SLC25A46: variants seen among roughly 807,000 people sequenced by gnomAD.
The protein encoded by SLC25A46 is mitochondrial outer membrane protein SLC25A46.
In SLC25A46, 39 loss-of-function variants were observed where a neutral mutation model predicts 44.6. The ratio of observed to expected loss-of-function variants is 0.87; its 90% CI spans 0.68 to 1.14. The LOEUF is 1.14. Among genes scored for constraint, SLC25A46 ranks in the 50% most tolerant of loss-of-function variants. SLC25A46 has a pLI of 0.00. For missense variants in SLC25A46, 547 were observed against 522.7 expected (o/e 1.05, Z -0.45); for synonymous variants, 202 against 185.8 (o/e 1.09, Z -0.71).
chr5:110,760,499 A>G (rs1197115696), intron 7 of SLC25A46, among the ~76,000 whole-genome samples: 1 of 152,170 alleles, frequency 6.6e-6, no homozygotes, highest in African/African-American at 2.4e-5. Context: ...TCTCTAAGGC[A>G]TGATATAGCC....
chr5:110,757,003 C>T (rs2150416316), intron 7 of SLC25A46: 1 of 320,262 alleles, frequency 3.1e-6, no homozygotes, highest in Non-Finnish European at 5.6e-6. Context: ...TTCATTTAGA[C>T]ATCTCAGAAC....
At chr5:110,748,139 T>C (rs371423823) in intron 4 of SLC25A46, 24 bp from the exon 5 acceptor site, 5 of 1,540,614 alleles carry the variant, frequency 3.2e-6, no homozygotes, top group Non-Finnish European at 3.6e-6. Flanking sequence ...TTAACAGAAA[T>C]AACATGAATT....
Position 110,739,061 on chromosome 5 carries a change from G to A in SLC25A46, c.-59G>A, listed in dbSNP as rs1041040640. 6.6e-7 allele frequency: 1 copy of A among 1,525,296 alleles called. No individual in the cohort carries two copies. Among genetic ancestry groups the A allele is most frequent in the Admixed American group, 2.1e-5 (1 of 46,582 alleles). 94.5% of individuals were successfully genotyped at this position (1,525,296 alleles called of 1,614,324 possible). A position where few individuals can be genotyped will look rare whatever the true frequency, so the allele number is the denominator to read the frequency against. Reference sequence around the variant, plus strand: ...ACGGGAAGCTGTGTGTGCTTAGGTCGTGGTGGCCCCGGTGGTGGTGGGCTC... The same window carrying A: ...ACGGGAAGCTGTGTGTGCTTAGGTCATGGTGGCCCCGGTGGTGGTGGGCTC... On this transcript the variant is annotated 5_prime_UTR_variant, in exon 1 of 8. The change creates a new upstream start codon in the 5' untranslated region. Coordinates refer to ENST00000355943, the MANE Select transcript of SLC25A46 (RefSeq NM_138773.4).
intron 7 of SLC25A46, among the ~76,000 whole-genome samples, chr5:110,759,993 C>CGTAA (rs1225707907): frequency 6.6e-6 from 1 of 152,122 alleles, no homozygotes; most frequent in Non-Finnish European, 1.5e-5. Flanking sequence ...GTTGAGACAT[C>CGTAA]GTAAGTTGGA....
intron 2 of SLC25A46, among the ~76,000 whole-genome samples, chr5:110,743,250 A>G (rs1799734986): frequency 6.6e-6 from 1 of 152,084 alleles, no homozygotes; most frequent in East Asian, 1.9e-4. Flanking sequence ...TTTAAGATTT[A>G]TACTTAAATT....
In SLC25A46 at chr5:110,762,358, G is replaced by A. The variant is rs1389012735; in HGVS notation, c.*576G>A. On this transcript the variant is annotated 3_prime_UTR_variant, in exon 8 of 8. Coordinates refer to ENST00000355943, the MANE Select transcript of SLC25A46 (RefSeq NM_138773.4). Reference sequence around the variant, plus strand: ...TAACTATCTTAATGGCTATATATATGTATTTTATAAAGCCATTTATGTATA... The same window carrying A: ...TAACTATCTTAATGGCTATATATATATATTTTATAAAGCCATTTATGTATA... The A allele has an allele frequency of 1.3e-5, 2 of 151,884 alleles. No homozygotes were observed. The highest frequency in any genetic ancestry group is 1.9e-4 in the East Asian group (1 of 5,168). The allele number at this position is 151,884 out of a possible 1,614,324, so 9.4% of individuals were successfully genotyped here.
At chr5:110,760,765 C>A (rs1336556802) in intron 7 of SLC25A46, among the ~76,000 whole-genome samples, 2 of 152,090 alleles carry the variant, frequency 1.3e-5, no homozygotes, top group Non-Finnish European at 2.9e-5. Context: ...GTAGACAGTG[C>A]TCATTTCCAT....
At chr5:110,756,113 A>G (rs1800104640) in intron 6 of SLC25A46, 1 of 152,206 alleles carries the variant, frequency 6.6e-6, no homozygotes, top group Non-Finnish European at 1.5e-5. Context: ...CCTGGCCCAT[A>G]AGGGTTAGGT....
chr5:110,764,791 T>G lies in SLC25A46; in HGVS notation c.*3009T>G, dbSNP rs1800348096. 1 of 152,008 alleles carries G rather than the reference T, an allele frequency of 6.6e-6. No individual in the cohort carries two copies. The highest frequency in any genetic ancestry group is 1.5e-5 in the Non-Finnish European group (1 of 67,938). 9.4% of individuals were successfully genotyped at this position (152,008 alleles called of 1,614,324 possible). ...TCAGCTTCTAATAAGATAGCCAGGT[T>G]TGAATTATTTGCAAAATTTATATAA... On this transcript the variant is annotated 3_prime_UTR_variant, in exon 8 of 8. Transcript: ENST00000355943.
chr5:110,739,359 C>G lies in SLC25A46; in HGVS notation c.240C>G (p.Pro80=). 6.4e-7 allele frequency: 1 copy of G among 1,560,986 alleles called. No individual in the cohort carries two copies. Among genetic ancestry groups the G allele is most frequent in the Non-Finnish European group, 8.7e-7 (1 of 1,154,890 alleles). The change falls in exon 1 of 8, where the codon CCC becomes CCG. Residue 80 remains proline (P), a synonymous_variant. Coordinates refer to ENST00000355943, the MANE Select transcript of SLC25A46 (RefSeq NM_138773.4). ...CGTACGAAGGCCCCACGGAGGAACC[C>G]TTTTCCAGTGGCGGCGGCGGCAGTG... ...STPYEGPTEE[P]FSSGGGGSVQ...
At position 110,761,701 on chromosome 5, in the gene SLC25A46, T is replaced by G. The variant is rs140617247; in HGVS notation, c.1176T>G (p.Val392=). ...VFGFYKGFGA[V]IIQYTLHAAV... ...GTTTTTATAAAGGGTTTGGTGCTGTTATAATACAGTACACACTGCATGCAG... is the reference window on the plus strand; with the variant it reads ...GTTTTTATAAAGGGTTTGGTGCTGTGATAATACAGTACACACTGCATGCAG... The change falls in exon 8 of 8, where the codon GTT becomes GTG. Residue 392 remains valine (V), a synonymous_variant. Coordinates refer to ENST00000355943, the MANE Select transcript of SLC25A46 (RefSeq NM_138773.4). This position sits in a 1 kb window ranked among gnomAD's most constrained non-coding sequence, Gnocchi z 5.3. The G allele has an allele frequency of 1.5e-5, 25 of 1,613,282 alleles. No homozygotes were observed. The highest frequency in any genetic ancestry group is 1.9e-5 in the Non-Finnish European group (23 of 1,179,612).
In SLC25A46 at chr5:110,756,953, G is replaced by A. The variant is rs200195016; in HGVS notation, c.678+194G>A. 8.6e-5 allele frequency: 34 copies of A among 394,010 alleles called. No homozygotes were observed. In the East Asian group the frequency reaches 1.3e-3, roughly 15 times the overall value. 24.4% of individuals were successfully genotyped at this position (394,010 alleles called of 1,614,324 possible). ...ATTGGTATCTTAAGTCACACTTCTA[G>A]TTTTAATTATTTTTGTCCTTTCCAT... On this transcript the variant is annotated intron_variant, in intron 7 of 7. Transcript: ENST00000355943.
rs1275636363 is a variant in SLC25A46, at chr5:110,764,192, A to T, written c.*2410A>T. 6.6e-6 allele frequency: 1 copy of T among 151,856 alleles called. No individual in the cohort carries two copies. The highest frequency in any genetic ancestry group is 2.4e-5 in the African/African-American group (1 of 41,408). The allele number at this position is 151,856 out of a possible 1,614,324, so 9.4% of individuals were successfully genotyped here. A position where few individuals can be genotyped will look rare whatever the true frequency, so the allele number is the denominator to read the frequency against. On this transcript the variant is annotated 3_prime_UTR_variant, in exon 8 of 8. Transcript: ENST00000355943. ...CCAAATTTTGGCCATGGAGCTTGTG[A>T]TACACTTGCCTTACATTGTAGGGTT...
In SLC25A46 at chr5:110,739,357, C is replaced by A. The variant is rs772367949; in HGVS notation, c.238C>A (p.Pro80Thr). 5.1e-6 allele frequency: 8 copies of A among 1,561,308 alleles called. No homozygotes were observed. The highest frequency in any genetic ancestry group is 6.1e-6 in the Non-Finnish European group (7 of 1,155,054). ...CCCGTACGAAGGCCCCACGGAGGAA[C>A]CCTTTTCCAGTGGCGGCGGCGGCAG... The part of the protein sequence containing the change: ...STPYEGPTEE[P>T]FSSGGGGSVQ... The change falls in exon 1 of 8, where the codon CCC becomes ACC. Residue 80 changes from proline to threonine, a missense_variant. By Grantham distance (38) the Pro-to-Thr change is conservative (BLOSUM62 -1). Transcript: ENST00000355943.
At chr5:110,755,106 C>T (rs1445407565) in intron 5 of SLC25A46, 4 of 164,258 alleles carry the variant, frequency 2.4e-5, no homozygotes, top group African/African-American at 9.6e-5. Context: ...TTCTTATATA[C>T]TTTGTAAAGC....
At chr5:110,747,142 A>G (rs2150410793) in intron 4 of SLC25A46, among the ~76,000 whole-genome samples, 1 of 152,334 alleles carries the variant, frequency 6.6e-6, no homozygotes, top group South Asian at 2.1e-4. Context: ...AGATGTGCAC[A>G]TATATATGCA....
chr5:110,739,421 G>A lies in SLC25A46; in HGVS notation c.283+19G>A. On this transcript the variant is annotated intron_variant, in intron 1 of 7. Coordinates refer to ENST00000355943, the MANE Select transcript of SLC25A46 (RefSeq NM_138773.4). The stretch of plus-strand genomic sequence containing the variant: ...AGCAGTGGTGAGAAGCATGGGGACC[G>A]ACACAGGGATGAGGGGTTACTGGGG... 3 of 1,531,242 alleles carry A rather than the reference G, an allele frequency of 2.0e-6. No homozygotes were observed. Among genetic ancestry groups the A allele is most frequent in the Non-Finnish European group, 2.6e-6 (3 of 1,145,728 alleles). 94.9% of individuals were successfully genotyped at this position (1,531,242 alleles called of 1,614,324 possible). A position where few individuals can be genotyped will look rare whatever the true frequency, so the allele number is the denominator to read the frequency against.
Position 110,761,404 on chromosome 5 carries a change from G to A in SLC25A46, c.879G>A (p.Lys293=). The stretch of plus-strand genomic sequence containing the variant: ...TTGTCCTACTAATTCTAAAGAGAAA[G>A]ACTTACAATAGCCACCTAGCTGAGA... ...QKFVLLILKR[K]TYNSHLAEST... Residue 293 remains lysine (K), a synonymous_variant, in exon 8 of 8, where the codon AAG becomes AAA. Coordinates refer to ENST00000355943, the MANE Select transcript of SLC25A46 (RefSeq NM_138773.4). The surrounding 1 kb of genome is among the most constrained non-coding windows in gnomAD (Gnocchi z 5.3). The A allele has an allele frequency of 6.2e-7, 1 of 1,613,714 alleles. No homozygotes were observed. Among genetic ancestry groups the A allele is most frequent in the South Asian group, 1.1e-5 (1 of 91,064 alleles).
chr5:110,748,104 A>T, intron 4 of SLC25A46, 59 bp from the exon 5 acceptor site: 5 of 1,180,096 alleles, frequency 4.2e-6, no homozygotes, highest in Non-Finnish European at 6.3e-6. Context: ...TTTTATTAAG[A>T]TCTTTTGTGT....
Sources: allele counts gnomAD v4.1 joint callset (sites outside exome capture counted in the v4.1 genomes callset), GRCh38; gene constraint gnomAD v4.1.1; non-coding constraint Gnocchi (gnomAD v3.1); transcripts MANE v1.5; gene names NCBI Gene and HGNC (gene_info 2026-07-23, HGNC 2026-07-21).